The following CADPS2 variants were observed in gnomAD, a reference collection of about 807,000 sequenced individuals.
CADPS2 encodes calcium-dependent secretion activator 2.
Under a neutral mutation model 172.5 loss-of-function variants are expected in CADPS2, and 93 were observed. The ratio of observed to expected loss-of-function variants is 0.54; its 90% confidence interval spans 0.46 to 0.64. The LOEUF is 0.64. Ranked by LOEUF, CADPS2 falls within the 30% of genes least tolerant of loss-of-function variation. The pLI is 0.00. For synonymous variants in CADPS2, 546 were observed against 555.2 expected (o/e 0.98, Z 0.23); for missense variants, 1,420 against 1,565.9 (o/e 0.91, Z 1.57).
chr7:122,688,549 T>TA (rs1478736311), intron 2 of CADPS2, among the ~76,000 whole-genome samples: 9 of 152,200 alleles, frequency 5.9e-5, no homozygotes, highest in Non-Finnish European at 1.3e-4. Flanking sequence ...GCACCTCTCT[T>TA]AGAGTGTCCG....
intron 8 of CADPS2, among the ~76,000 whole-genome samples, chr7:122,546,377 T>G (rs1216009753): frequency 6.6e-6 from 1 of 152,210 alleles, no homozygotes; most frequent in Non-Finnish European, 1.5e-5. Context: ...TTAGGACCCT[T>G]ATACCCGTAT....
intron 3 of CADPS2, among the ~76,000 whole-genome samples, chr7:122,640,488 C>G (rs942323271): frequency 1.3e-4 from 19 of 141,648 alleles, no homozygotes; most frequent in African/African-American, 4.8e-4. Context: ...CACACACACA[C>G]ACAGAGATAG....
At position 122,591,501 on chromosome 7, in the gene CADPS2, T is replaced by G. The variant is rs562995531; in HGVS notation, c.1224-10211A>C. ...GAAAAAACTACTTTAAAGTTCATATTGAACCAAAAAAGAGCCTGCATTGCC... is the reference window on the plus strand; with the variant it reads ...GAAAAAACTACTTTAAAGTTCATATGGAACCAAAAAAGAGCCTGCATTGCC... On this transcript the variant is annotated intron_variant, in intron 6 of 29. Transcript: ENST00000449022. 2.3e-3 allele frequency among the ~76,000 whole-genome samples: 344 copies of G among 151,890 alleles called. 2 individuals carry two copies. Among genetic ancestry groups the G allele is most frequent in the African/African-American group, 5.9e-3 (244 of 41,506 alleles).
chr7:122,388,222 C>T (rs2043924254), intron 23 of CADPS2, among the ~76,000 whole-genome samples: 1 of 151,962 alleles, frequency 6.6e-6, no homozygotes, highest in Admixed American at 6.6e-5. Flanking sequence ...CACACAGACA[C>T]AGTACATAAT....
chr7:122,701,807 C>T, intron 2 of CADPS2: 1 of 1,415,392 alleles, frequency 7.1e-7, no homozygotes, highest in Non-Finnish European at 9.8e-7. Flanking sequence ...GATCTGGTTA[C>T]ATCTTCAGAA....
intron 15 of CADPS2, among the ~76,000 whole-genome samples, chr7:122,442,408 G>A (rs1309301058): frequency 6.6e-6 from 1 of 152,156 alleles, no homozygotes; most frequent in African/African-American, 2.4e-5. Flanking sequence ...CCCACCTCAG[G>A]ATCAAGTGCT....
At chr7:122,641,036 A>G (rs529724013) in intron 3 of CADPS2, among the ~76,000 whole-genome samples, 60 of 152,102 alleles carry the variant, frequency 3.9e-4, no homozygotes, top group African/African-American at 1.4e-3. Flanking sequence ...ATTGTAATAG[A>G]GATCAGAGGT....
chr7:122,853,633 C>G (rs1420008553), intron 1 of CADPS2, among the ~76,000 whole-genome samples: 1 of 151,792 alleles, frequency 6.6e-6, no homozygotes, highest in African/African-American at 2.4e-5. Flanking sequence ...TAGATCCTGA[C>G]TAATATACCC....
intron 1 of CADPS2, among the ~76,000 whole-genome samples, chr7:122,842,239 A>C (rs1403989188): frequency 6.6e-6 from 1 of 152,208 alleles, no homozygotes; most frequent in East Asian, 1.9e-4. Context: ...CCATGGACCA[A>C]ACTCGACTAC....
At chr7:122,478,161 T>C (rs1183205214) in intron 12 of CADPS2, among the ~76,000 whole-genome samples, 1 of 152,188 alleles carries the variant, frequency 6.6e-6, no homozygotes, top group African/African-American at 2.4e-5. Flanking sequence ...GGCTTTAAAA[T>C]TGGGTTATAC....
intron 28 of CADPS2, among the ~76,000 whole-genome samples, chr7:122,337,776 CT>C (rs1424566654): frequency 1.7e-5 from 2 of 115,550 alleles, no homozygotes; most frequent in African/African-American, 3.0e-5. Flanking sequence ...AAAAAAAAAG[CT>C]GAGGAGCAGC....
intron 3 of CADPS2, among the ~76,000 whole-genome samples, chr7:122,639,148 C>A (rs1402226812): frequency 6.6e-6 from 1 of 152,160 alleles, no homozygotes; most frequent in East Asian, 1.9e-4. Context: ...AAAAATTCAA[C>A]CAGTAATCCT....
chr7:122,341,286 T>A (rs914854750), intron 28 of CADPS2, among the ~76,000 whole-genome samples: 2 of 152,226 alleles, frequency 1.3e-5, no homozygotes, highest in African/African-American at 2.4e-5. Context: ...TTCACATGGC[T>A]ATCACAAAAT....
rs373515332 is a variant in CADPS2, at chr7:122,369,410, C to T, written c.3388-8397G>A. 5.0e-4 allele frequency among the ~76,000 whole-genome samples: 76 copies of T among 152,222 alleles called. 2 individuals are homozygous for T. In the South Asian group the frequency reaches 0.014, roughly 28 times the overall value. ...CCTCCCAAAGTGCTGGGATTACAGG[C>T]GTGAGCCACTGCGCCCAGTCTTCCC... On this transcript the variant is annotated intron_variant, in intron 25 of 29. Coordinates refer to ENST00000449022, the MANE Select transcript of CADPS2 (RefSeq NM_017954.11).
At chr7:122,629,002 T>G (rs1373048876) in intron 4 of CADPS2, among the ~76,000 whole-genome samples, 1 of 151,792 alleles carries the variant, frequency 6.6e-6, no homozygotes, top group Non-Finnish European at 1.5e-5. Context: ...TTAAGAGAAG[T>G]CTATAAAAGT....
At chr7:122,478,464 A>G (rs2056950508) in intron 12 of CADPS2, among the ~76,000 whole-genome samples, 1 of 152,192 alleles carries the variant, frequency 6.6e-6, no homozygotes, top group Non-Finnish European at 1.5e-5. Context: ...TGTATGCTCG[A>G]GCGTCTTTAG....
chr7:122,631,852 T>C (rs2076610458), intron 3 of CADPS2, among the ~76,000 whole-genome samples: 1 of 152,154 alleles, frequency 6.6e-6, no homozygotes, highest in Admixed American at 6.5e-5. Flanking sequence ...ACATTTCCCT[T>C]GGTCAATCAT....
chr7:122,660,430 A>G lies in CADPS2; in HGVS notation c.786+2807T>C, dbSNP rs1008269290. Reference sequence around the variant, plus strand: ...AAAAGACACAAAATGGAATTCATATAAAGTGTTCAATCAAAATTACAGAAG... The same window carrying G: ...AAAAGACACAAAATGGAATTCATATGAAGTGTTCAATCAAAATTACAGAAG... On this transcript the variant is annotated intron_variant, in intron 3 of 29. Coordinates refer to ENST00000449022, the MANE Select transcript of CADPS2 (RefSeq NM_017954.11). Among the ~76,000 whole-genome samples the G allele has an allele frequency of 9.2e-5, 14 of 152,262 alleles. 1 individual carries two copies. Among genetic ancestry groups the G allele is most frequent in the Admixed American group, 4.6e-4 (7 of 15,286 alleles).
chr7:122,506,637 C>T (rs573817543), intron 9 of CADPS2, among the ~76,000 whole-genome samples: 2 of 151,966 alleles, frequency 1.3e-5, no homozygotes, highest in East Asian at 1.9e-4. Context: ...TTAGCAACTG[C>T]CACCATCTAA....
Sources: allele counts gnomAD v4.1 joint callset (sites outside exome capture counted in the v4.1 genomes callset), GRCh38; gene constraint gnomAD v4.1.1; transcripts MANE v1.5; gene names NCBI Gene and HGNC (gene_info 2026-07-23, HGNC 2026-07-21).